SULT1A2: variants seen among roughly 807,000 people sequenced by gnomAD.
SULT1A2 encodes sulfotransferase family 1A member 2.
In SULT1A2, 33 loss-of-function variants were observed where a neutral mutation model predicts 36.0. The observed-to-expected ratio is 0.92, with a 90% CI of 0.69 to 1.22. The LOEUF (loss-of-function observed/expected upper bound fraction) is 1.22. Ranked by LOEUF, SULT1A2 falls within the 50% of genes most tolerant of loss-of-function variation. The pLI is 0.00. For missense variants in SULT1A2, 367 were observed against 383.2 expected, an observed-to-expected ratio of 0.96 and a Z score of 0.35; for synonymous variants, 138 against 144.5, an observed-to-expected ratio of 0.96 and a Z score of 0.32.
At chr16:28,595,723 C>A (rs778157719) in intron 2 of SULT1A2, 48 bp from the exon 3 acceptor site, 3 of 1,612,438 alleles carry the variant, frequency 1.9e-6, no homozygotes, top group East Asian at 2.2e-5. Context: ...GTGAGCATGA[C>A]CTCGCTGGCC....
chr16:28,594,421 G>A (rs1359059689), intron 4 of SULT1A2, among the ~76,000 whole-genome samples: 1 of 152,106 alleles, frequency 6.6e-6, no homozygotes, highest in East Asian at 1.9e-4. Flanking sequence ...GCATTACAGC[G>A]GTGAGCCACC....
intron 4 of SULT1A2, among the ~76,000 whole-genome samples, chr16:28,593,911 C>T (rs1596613147): frequency 2.6e-5 from 4 of 152,084 alleles, no homozygotes; most frequent in African/African-American, 9.7e-5. Flanking sequence ...CCGGAAGAGT[C>T]TCATGTTTTT....
intron 1 of SULT1A2, chr16:28,596,262 A>T: frequency 1.6e-6 from 2 of 1,282,132 alleles, no homozygotes; most frequent in South Asian, 3.2e-5. Context: ...GTCCAGCTGC[A>T]CTGAGGAACC....
At chr16:28,593,878 C>T (rs1255345741) in intron 4 of SULT1A2, among the ~76,000 whole-genome samples, 1 of 152,152 alleles carries the variant, frequency 6.6e-6, no homozygotes, top group Non-Finnish European at 1.5e-5. Flanking sequence ...TGAGGACCCA[C>T]CCTCTACCTT....
At chr16:28,593,187 G>C in intron 6 of SULT1A2, 65 bp downstream of exon 6, 1 of 1,605,670 alleles carries the variant, frequency 6.2e-7, no homozygotes, top group Non-Finnish European at 8.5e-7. Flanking sequence ...GGTGGCCTTG[G>C]CAGGTCCCTG....
intron 6 of SULT1A2, 122 bp from the exon 7 acceptor site, chr16:28,592,565 C>A: frequency 6.5e-7 from 1 of 1,547,864 alleles, no homozygotes; most frequent in East Asian, 2.4e-5. Flanking sequence ...ATAGAGCCAG[C>A]TCCTCGACCC....
rs2151669274 is a variant in SULT1A2 at position 28,596,975 on chromosome 16, G to A, written c.-5+22C>T. 2.4e-6 allele frequency: 3 copies of A among 1,254,166 alleles called. No individual in the cohort carries two copies. In the South Asian group the frequency reaches 4.0e-5, roughly 17 times the overall value. 77.7% of individuals were successfully genotyped at this position (1,254,166 alleles called of 1,614,324 possible). A position where few individuals can be genotyped will look rare whatever the true frequency, so the allele number is the denominator to read the frequency against. On this transcript the variant is annotated intron_variant, in intron 1 of 7. Coordinates refer to ENST00000335715, the MANE Select transcript of SULT1A2 (RefSeq NM_001054.4). ...GCTGAGCAGGGTGAGGGCGTCCTGG[G>A]CCATTCCGGTGTGTCACTCACCTGA...
intron 2 of SULT1A2, 38 bp from the exon 3 acceptor site, chr16:28,595,713 G>C: frequency 6.2e-7 from 1 of 1,606,044 alleles, no homozygotes; most frequent in South Asian, 1.1e-5. Context: ...GCAGGCTGAG[G>C]TGAGCATGAC....
At position 28,592,409 on chromosome 16, in the gene SULT1A2, A is replaced by C; in HGVS notation, c.629T>G (p.Phe210Cys). Residue 210 changes from phenylalanine to cysteine, a missense_variant, in exon 7 of 8, where the codon TTT becomes TGT. Coordinates refer to ENST00000335715, the MANE Select transcript of SULT1A2 (RefSeq NM_001054.4). ...PKREIQKILE[F>C]VGRSLPEETV... ...CTCCTCTGGCAGGGAGCGCCCCACA[A>C]ACTCCAGGATCTTTTGAATCTCCCT... The C allele has an allele frequency of 1.9e-6, 3 of 1,614,088 alleles. No homozygotes were observed. The highest frequency in any genetic ancestry group is 2.5e-6 in the Non-Finnish European group (3 of 1,179,990).
chr16:28,593,043 T>G (rs1403153291), intron 6 of SULT1A2, among the ~76,000 whole-genome samples: 1 of 150,886 alleles, frequency 6.6e-6, no homozygotes, highest in African/African-American at 2.4e-5. Flanking sequence ...TGGCCACCCG[T>G]GCAGCTGACT....
At chr16:28,595,714 T>C in intron 2 of SULT1A2, 39 bp from the exon 3 acceptor site, 1 of 1,590,138 alleles carries the variant, frequency 6.3e-7, no homozygotes, top group East Asian at 2.2e-5. Flanking sequence ...CAGGCTGAGG[T>C]GAGCATGACC....
At chr16:28,595,283 G>C in intron 4 of SULT1A2, 84 bp downstream of exon 4, 1 of 1,558,986 alleles carries the variant, frequency 6.4e-7, no homozygotes, top group Non-Finnish European at 8.7e-7. Flanking sequence ...GACTTATCTG[G>C]AACTTCTGGC....
chr16:28,594,113 G>T (rs1001873413), intron 4 of SULT1A2, among the ~76,000 whole-genome samples: 4 of 149,404 alleles, frequency 2.7e-5, no homozygotes, highest in African/African-American at 7.3e-5. Flanking sequence ...TTTTTGGGGG[G>T]GGGGACTCTA....
At chr16:28,596,409 T>G in intron 1 of SULT1A2, 1 of 1,008,370 alleles carries the variant, frequency 9.9e-7, no homozygotes, top group Non-Finnish European at 1.2e-6. Context: ...CCCTCACATG[T>G]GGCAACTCCT....
intron 7 of SULT1A2, 43 bp from the exon 8 acceptor site, chr16:28,592,183 G>A: frequency 6.2e-7 from 1 of 1,613,288 alleles, no homozygotes; most frequent in Non-Finnish European, 8.5e-7. Flanking sequence ...TCTCATCCCA[G>A]GGGAGGCCCC....
rs368133844 is a variant in SULT1A2, at chr16:28,595,664, C to T, written c.160G>A (p.Val54Met). 1.2e-5 allele frequency: 19 copies of T among 1,614,148 alleles called. 1 individual carries two copies. The African/African-American group carries it at 1.9e-4, about 16-fold the overall frequency. ...TAGATCATGTCCAGAATCTGGCTCA[C>T]CCAGGTGGTGCCTGGAGAGGGAGGG... Reference protein sequence around the residue: ...STYPKSGTTWVSQILDMIYQG... With the variant: ...STYPKSGTTWMSQILDMIYQG... The change falls in exon 3 of 8, where the codon GTG becomes ATG. Residue 54 changes from valine to methionine, a missense_variant. By Grantham distance (21) the Val-to-Met change is conservative (BLOSUM62 1). Transcript: ENST00000335715.
chr16:28,593,183 CTTGGCA>C (rs2151660226), intron 6 of SULT1A2, 63 bp downstream of exon 6: 2 of 1,603,272 alleles, frequency 1.2e-6, no homozygotes, highest in Non-Finnish European at 1.7e-6. Flanking sequence ...GCTGGGTGGC[CTTGGCA>C]GGTCCCTGTG....
rs756111949 is a variant in SULT1A2 at position 28,596,279 on chromosome 16, A to G, written c.-4-345T>C. ...CCAGCTGCACTGAGGAACCTCTAGGACCTTCCTGTGCTGTCTTCCTGCCAG... is the reference window on the plus strand; with the variant it reads ...CCAGCTGCACTGAGGAACCTCTAGGGCCTTCCTGTGCTGTCTTCCTGCCAG... On this transcript the variant is annotated intron_variant, in intron 1 of 7. Coordinates refer to ENST00000335715, the MANE Select transcript of SULT1A2 (RefSeq NM_001054.4). The G allele has an allele frequency of 1.6e-4, 202 of 1,243,466 alleles. 1 individual carries two copies. The highest frequency in any genetic ancestry group is 3.7e-4 in the East Asian group (8 of 21,824). The allele number at this position is 1,243,466 out of a possible 1,614,324, so 77.0% of individuals were successfully genotyped here.
At chr16:28,593,388 C>G (rs770210554) in intron 5 of SULT1A2, 42 bp from the exon 6 acceptor site, 10 of 1,614,126 alleles carry the variant, frequency 6.2e-6, no homozygotes, top group South Asian at 2.2e-5. Flanking sequence ...GGTTGCTGTG[C>G]GTTGTAGCCA....
Sources: gnomAD v4.1 joint callset for allele counts (sites outside exome capture counted in the v4.1 genomes callset) on GRCh38, gnomAD v4.1.1 for gene constraint, MANE v1.5 for transcripts, NCBI Gene and HGNC (gene_info 2026-07-23, HGNC 2026-07-21) for gene names.